Variants in TSNAX observed in about 807,000 individuals in gnomAD.
TSNAX encodes the protein translin associated factor X.
A neutral mutation model predicts 33.0 loss-of-function variants in TSNAX; 12 were observed. The observed-to-expected ratio is 0.36, with a 90% confidence interval of 0.23 to 0.59. The LOEUF (loss-of-function observed/expected upper bound fraction) is 0.59, where lower values mean the gene tolerates loss of function less well. Ranked by LOEUF, TSNAX falls within the 20% of genes least tolerant of loss-of-function variation. TSNAX has a pLI of 0.74. For missense variants in TSNAX, 267 were observed against 341.3 expected (o/e 0.78, Z 1.72); for synonymous variants, 110 against 117.2 (o/e 0.94, Z 0.40).
intron 2 of TSNAX, chr1:231,535,689 G>C (rs981484333): frequency 6.6e-6 from 1 of 152,188 alleles, no homozygotes; most frequent in African/African-American, 2.4e-5. Flanking sequence ...TCAGCATTAA[G>C]TGCTGATCGA....
chr1:231,564,984 T>C lies in TSNAX; in HGVS notation c.*79T>C. The C allele has an allele frequency of 4.0e-6, 6 of 1,490,886 alleles. No homozygotes were observed. Among genetic ancestry groups the C allele is most frequent in the Non-Finnish European group, 5.4e-6 (6 of 1,112,006 alleles). 92.4% of individuals were successfully genotyped at this position (1,490,886 alleles called of 1,614,324 possible). A position where few individuals can be genotyped will look rare whatever the true frequency, so the allele number is the denominator to read the frequency against. On this transcript the variant is annotated 3_prime_UTR_variant, in exon 6 of 6. Transcript: ENST00000366639. Reference sequence around the variant, plus strand: ...TGTAAGACTTATTTAGTATTTCATTTAACTTTATTGTGGCTTTTACATAGA... The same window carrying C: ...TGTAAGACTTATTTAGTATTTCATTCAACTTTATTGTGGCTTTTACATAGA...
At chr1:231,542,750 A>G in intron 4 of TSNAX, 139 bp downstream of exon 4, 2 of 1,028,548 alleles carry the variant, frequency 1.9e-6, no homozygotes, top group Non-Finnish European at 2.8e-6. Flanking sequence ...TTGTAGTAAT[A>G]TAGAAGTAAT....
chr1:231,537,133 T>C, intron 2 of TSNAX, 80 bp from the exon 3 acceptor site: 1 of 1,088,342 alleles, frequency 9.2e-7, no homozygotes, highest in Non-Finnish European at 1.3e-6. Context: ...ACCCAGCATA[T>C]GTGACGTACA....
chr1:231,533,914 CTGACATAATACTTTAATCTACAG>C (rs1352380086), intron 2 of TSNAX, among the ~76,000 whole-genome samples: 1 of 152,196 alleles, frequency 6.6e-6, no homozygotes, highest in Non-Finnish European at 1.5e-5. Flanking sequence ...AGATTTAACA[CTGACATAATACTTTAATCTACAG>C]TGCATATTTT....
chr1:231,536,565 G>T (rs140997579), intron 2 of TSNAX: 1 of 152,176 alleles, frequency 6.6e-6, no homozygotes, highest in Non-Finnish European at 1.5e-5. Flanking sequence ...GCTGCTGTGC[G>T]TTGTTGGCAT....
At chr1:231,537,022 G>A (rs1382775662) in intron 2 of TSNAX, 191 bp from the exon 3 acceptor site, 5 of 365,128 alleles carry the variant, frequency 1.4e-5, no homozygotes, top group Non-Finnish European at 2.5e-5. Context: ...TAGTAGAGAC[G>A]GGGTTTCACC....
chr1:231,539,654 G>A (rs1287620595), intron 3 of TSNAX, among the ~76,000 whole-genome samples: 2 of 152,068 alleles, frequency 1.3e-5, no homozygotes, highest in African/African-American at 4.8e-5. Context: ...GAAAAATTAC[G>A]AATGGCAGAA....
chr1:231,541,713 T>C (rs1305412436), intron 3 of TSNAX, among the ~76,000 whole-genome samples: 1 of 152,222 alleles, frequency 6.6e-6, no homozygotes. Context: ...TTTTTTGTAG[T>C]GTCAATCTGC....
chr1:231,535,885 AT>A (rs1265740959), intron 2 of TSNAX: 1 of 152,180 alleles, frequency 6.6e-6, no homozygotes, highest in Non-Finnish European at 1.5e-5. Context: ...GTTATGGGAG[AT>A]TTGTGTCCGT....
chr1:231,538,890 C>G (rs892812834), intron 3 of TSNAX, among the ~76,000 whole-genome samples: 1 of 150,730 alleles, frequency 6.6e-6, no homozygotes, highest in Non-Finnish European at 1.5e-5. Flanking sequence ...CATGATTGTG[C>G]CACTGTACCC....
At chr1:231,532,653 A>G (rs891373717) in intron 2 of TSNAX, among the ~76,000 whole-genome samples, 2 of 152,150 alleles carry the variant, frequency 1.3e-5, no homozygotes, top group Non-Finnish European at 2.9e-5. Flanking sequence ...TTAAAACTTT[A>G]TGTAACTCTT....
intron 2 of TSNAX, chr1:231,534,081 T>C (rs1655290): frequency 0.18 from 27,162 of 152,216 alleles, 3,011 homozygotes; most frequent in East Asian, 0.49. Context: ...GTTTTGTCTT[T>C]CTTGACAATG....
intron 2 of TSNAX, among the ~76,000 whole-genome samples, chr1:231,532,721 T>C (rs1429369630): frequency 6.6e-6 from 1 of 152,248 alleles, no homozygotes; most frequent in Non-Finnish European, 1.5e-5. Context: ...TTACAACTTG[T>C]ACAGTATTCC....
intron 2 of TSNAX, chr1:231,535,307 C>A (rs1659091033): frequency 6.6e-6 from 1 of 152,144 alleles, no homozygotes; most frequent in African/African-American, 2.4e-5. Context: ...GGTAAACAGT[C>A]TTTCTTCAGT....
chr1:231,552,552 G>A (rs1312045280), intron 4 of TSNAX, among the ~76,000 whole-genome samples: 2 of 112,292 alleles, frequency 1.8e-5, no homozygotes, highest in African/African-American at 1.0e-4. Flanking sequence ...AATTCATGTG[G>A]TACCAGAGAA....
At chr1:231,553,756 G>A (rs1434443796) in intron 4 of TSNAX, among the ~76,000 whole-genome samples, 2 of 148,736 alleles carry the variant, frequency 1.3e-5, no homozygotes, top group Admixed American at 6.8e-5. Context: ...GCGAGATCTC[G>A]GCTCACCACA....
intron 4 of TSNAX, among the ~76,000 whole-genome samples, chr1:231,555,673 C>T (rs893737156): frequency 1.3e-5 from 2 of 152,130 alleles, no homozygotes; most frequent in African/African-American, 2.4e-5. Flanking sequence ...AAGCAAGATG[C>T]CATAATTCAT....
rs146288925 is a variant in TSNAX at position 231,544,100 on chromosome 1, A to G, written c.367+1489A>G. ...ATTTCAGACAGAGTAGTCCTGCTAT[A>G]CATAAGTTAGGTATGCGTGTGTAAT... is the stretch of plus-strand genomic sequence containing the variant. On this transcript the variant is annotated intron_variant, in intron 4 of 5. Coordinates refer to ENST00000366639, the MANE Select transcript of TSNAX (RefSeq NM_005999.3). Among the ~76,000 whole-genome samples the G allele has an allele frequency of 3.7e-3, 564 of 152,322 alleles. 5 individuals are homozygous for G. Among genetic ancestry groups the G allele is most frequent in the African/African-American group, 0.013 (520 of 41,572 alleles).
intron 2 of TSNAX, chr1:231,534,449 G>A (rs1659020151): frequency 6.6e-6 from 1 of 152,188 alleles, no homozygotes; most frequent in Non-Finnish European, 1.5e-5. Flanking sequence ...TAACTTAGAG[G>A]TAATAAAGTA....
Sources: gnomAD v4.1 joint callset for allele counts (sites outside exome capture counted in the v4.1 genomes callset) on GRCh38, gnomAD v4.1.1 for gene constraint, MANE v1.5 for transcripts, NCBI Gene and HGNC (gene_info 2026-07-23, HGNC 2026-07-21) for gene names.